The following KATNA1 variants were observed in gnomAD, a reference collection of about 807,000 sequenced individuals.
KATNA1 encodes the protein katanin catalytic subunit A1.
Under a neutral mutation model 62.6 loss-of-function variants are expected in KATNA1, and 42 were observed. The observed-to-expected ratio is 0.67, with a 90% CI of 0.52 to 0.87. The LOEUF is 0.87. Ranked by LOEUF, KATNA1 falls within the 40% of genes least tolerant of loss-of-function variation. The pLI, the probability that KATNA1 is intolerant of heterozygous loss-of-function variation, is 0.00. For missense variants in KATNA1, 498 were observed against 612.5 expected (o/e 0.81, Z 1.97); for synonymous variants, 186 against 201.9 (o/e 0.92, Z 0.67).
intron 4 of KATNA1, among the ~76,000 whole-genome samples, chr6:149,618,613 T>C (rs891996837): frequency 6.6e-6 from 1 of 152,162 alleles, no homozygotes; most frequent in African/African-American, 2.4e-5. Flanking sequence ...CAAAACAGCA[T>C]GGTACTGGCA....
intron 4 of KATNA1, among the ~76,000 whole-genome samples, chr6:149,610,386 A>C (rs1231453353): frequency 1.3e-5 from 2 of 152,122 alleles, no homozygotes; most frequent in Non-Finnish European, 2.9e-5. Flanking sequence ...AATTCCACCT[A>C]ACCACAGCAA....
intron 1 of KATNA1, among the ~76,000 whole-genome samples, chr6:149,644,873 T>C (rs1253758561): frequency 6.6e-6 from 1 of 152,204 alleles, no homozygotes; most frequent in Non-Finnish European, 1.5e-5. Flanking sequence ...AACAAATGAC[T>C]TGAAAAATCC....
At position 149,601,122 on chromosome 6, in the gene KATNA1, T is replaced by TA. The variant is rs1288547269; in HGVS notation, c.888+471dup. ...AGAACTTGTTGAATTACATTTCTTC[T>TA]ATTGGTACTCTGATTTGTATTGGTG... On this transcript the variant is annotated intron_variant, in intron 7 of 10. Transcript: ENST00000367411. 1.0e-3 allele frequency among the ~76,000 whole-genome samples: 154 copies of TA among 152,308 alleles called. 1 individual carries two copies. The highest frequency in any genetic ancestry group is 1.3e-4 in the Non-Finnish European group (9 of 68,034).
intron 7 of KATNA1, among the ~76,000 whole-genome samples, chr6:149,601,366 G>T (rs1778536848): frequency 6.6e-6 from 1 of 152,108 alleles, no homozygotes; most frequent in Non-Finnish European, 1.5e-5. Context: ...CCCATAATGT[G>T]AGCATGCCCC....
chr6:149,626,128 G>C (rs546714165), intron 3 of KATNA1, among the ~76,000 whole-genome samples: 2 of 152,182 alleles, frequency 1.3e-5, no homozygotes, highest in Non-Finnish European at 2.9e-5. Context: ...ATAAAGTATA[G>C]TTGGCCTTCC....
intron 4 of KATNA1, among the ~76,000 whole-genome samples, chr6:149,618,990 A>T (rs1779291993): frequency 6.6e-6 from 1 of 152,208 alleles, no homozygotes; most frequent in African/African-American, 2.4e-5. Flanking sequence ...ATTATATAAA[A>T]CTAAAATGCT....
At chr6:149,638,244 G>T (rs1473797460) in intron 2 of KATNA1, 142 bp downstream of exon 2, 2 of 707,582 alleles carry the variant, frequency 2.8e-6, no homozygotes, top group African/African-American at 1.8e-5. Flanking sequence ...AAAGTGCTAG[G>T]ACTACAGGAG....
At chr6:149,602,054 A>T (rs972794482) in intron 6 of KATNA1, among the ~76,000 whole-genome samples, 4 of 152,196 alleles carry the variant, frequency 2.6e-5, no homozygotes, top group African/African-American at 9.6e-5. Context: ...TTGCTCAGAC[A>T]AATTAGGTTG....
chr6:149,630,768 C>A (rs150446111), intron 3 of KATNA1, among the ~76,000 whole-genome samples: 35 of 152,254 alleles, frequency 2.3e-4, no homozygotes, highest in Middle Eastern at 6.8e-3. Flanking sequence ...CCGGCAGATT[C>A]CTGAGTTCTA....
Position 149,601,574 on chromosome 6 carries a change from G to C in KATNA1, c.888+20C>G. ...CTTTTAGAGAGGTAAAGAATCATTA[G>C]AGCTGTCTCAAACATTCACCATTTC... On this transcript the variant is annotated intron_variant, in intron 7 of 10. Coordinates refer to ENST00000367411, the MANE Select transcript of KATNA1 (RefSeq NM_007044.4). 6.3e-7 allele frequency: 1 copy of C among 1,583,850 alleles called. No individual in the cohort carries two copies.
chr6:149,613,738 G>A (rs1276477390), intron 4 of KATNA1, among the ~76,000 whole-genome samples: 1 of 152,148 alleles, frequency 6.6e-6, no homozygotes, highest in African/African-American at 2.4e-5. Context: ...GGTTAATTCT[G>A]GTTAATTTCA....
Position 149,595,163 on chromosome 6 carries a change from T to C in KATNA1, c.1349A>G (p.Lys450Arg). ...LTPEEIRNLS[K>R]EEMHMPTTME... ...AGTTGTAGGCATGTGCATTTCTTCT[T>C]TGGAAAGATTTCGGATTTCCTCTGG... The change falls in exon 11 of 11, where the codon AAA (lysine) becomes AGA (arginine). Residue 450 changes from lysine to arginine, a missense_variant. Transcript: ENST00000367411. 6.2e-7 allele frequency: 1 copy of C among 1,614,090 alleles called. No homozygotes were observed. Among genetic ancestry groups the C allele is most frequent in the Non-Finnish European group, 8.5e-7 (1 of 1,179,980 alleles).
intron 7 of KATNA1, 61 bp downstream of exon 7, chr6:149,601,532 AC>A (rs1288655874): frequency 1.4e-6 from 2 of 1,433,802 alleles, no homozygotes; most frequent in African/African-American, 2.9e-5. Context: ...GGAGATAGTT[AC>A]AGCTCACTTT....
intron 3 of KATNA1, among the ~76,000 whole-genome samples, chr6:149,628,628 T>G (rs1165037307): frequency 6.6e-6 from 1 of 151,780 alleles, no homozygotes; most frequent in African/African-American, 2.4e-5. Context: ...GAGATCAGCT[T>G]GGCCAACAAG....
At chr6:149,626,882 G>A (rs989166596) in intron 3 of KATNA1, among the ~76,000 whole-genome samples, 1 of 151,800 alleles carries the variant, frequency 6.6e-6, no homozygotes, top group East Asian at 2.0e-4. Flanking sequence ...TACTTGGAAA[G>A]CTGAGGCGGA....
rs58933940 is a variant in KATNA1 at position 149,607,313 on chromosome 6, T to A, written c.502-2531A>T. 3.6e-3 allele frequency among the ~76,000 whole-genome samples: 546 copies of A among 152,330 alleles called. 3 individuals are homozygous for A. Among genetic ancestry groups the A allele is most frequent in the African/African-American group, 0.013 (522 of 41,562 alleles). On this transcript the variant is annotated intron_variant, in intron 4 of 10. Transcript: ENST00000367411. ...TAGTACAATTTCTTTTAGATATACA[T>A]CTATCTAATAATTTGCTCCTGGCCA... is the stretch of plus-strand genomic sequence containing the variant.
chr6:149,611,759 G>A (rs1778965979), intron 4 of KATNA1, among the ~76,000 whole-genome samples: 1 of 152,082 alleles, frequency 6.6e-6, no homozygotes, highest in African/African-American at 2.4e-5. Flanking sequence ...CAGCACTTTG[G>A]GAGGTCAAGG....
intron 4 of KATNA1, 83 bp from the exon 5 acceptor site, chr6:149,604,865 C>A: frequency 7.3e-7 from 1 of 1,370,170 alleles, no homozygotes; most frequent in South Asian, 1.2e-5. Context: ...ACTCAAGTGA[C>A]GTCCTTTAAA....
At chr6:149,620,713 CT>C (rs1206644662) in intron 4 of KATNA1, among the ~76,000 whole-genome samples, 1 of 152,192 alleles carries the variant, frequency 6.6e-6, no homozygotes, top group African/African-American at 2.4e-5. Context: ...GTTAATTACT[CT>C]GATTTGATCA....
Sources: allele counts gnomAD v4.1 joint callset (sites outside exome capture counted in the v4.1 genomes callset), GRCh38; gene constraint gnomAD v4.1.1; transcripts MANE v1.5; gene names NCBI Gene and HGNC (gene_info 2026-07-23, HGNC 2026-07-21).